ZSWIM5: variants seen among roughly 807,000 people sequenced by gnomAD.
ZSWIM5 encodes the protein zinc finger SWIM-type containing 5, also known as zinc finger SWIM domain-containing protein 5.
In ZSWIM5, 55 loss-of-function variants were observed where a neutral mutation model predicts 119.6. That is an observed-to-expected ratio of 0.46 (90% confidence interval 0.37 to 0.58). The LOEUF (loss-of-function observed/expected upper bound fraction) is 0.58, where lower values mean the gene tolerates loss of function less well. Among genes scored for constraint, ZSWIM5 ranks in the 20% least tolerant of loss-of-function variants. ZSWIM5 has a pLI of 0.00. For synonymous variants in ZSWIM5, 537 were observed against 606.9 expected (o/e 0.88, Z 1.69); for missense variants, 1,193 against 1,512.8 (o/e 0.79, Z 3.51).
chr1:45,020,139 C>T lies in ZSWIM5; in HGVS notation c.2622G>A (p.Arg874=), dbSNP rs1428688629. 1 of 1,614,168 alleles carries T rather than the reference C, an allele frequency of 6.2e-7. No homozygotes were observed. The highest frequency in any genetic ancestry group is 1.3e-5 in the African/African-American group (1 of 75,044). The change falls in exon 13 of 14, where the codon CGG becomes CGA. Residue 874 remains arginine (R), a synonymous_variant. Coordinates refer to ENST00000359600, the MANE Select transcript of ZSWIM5 (RefSeq NM_020883.2). The part of the protein sequence containing the change: ...VALELGLQVM[R]MTLSTLNWRR... ...TCCAGTTAAGGGTTGATAAGGTCAT[C>T]CGCATCACCTGGGCACAAAAGAGGC...
intron 1 of ZSWIM5, among the ~76,000 whole-genome samples, chr1:45,165,812 G>A (rs1570171003): frequency 6.6e-6 from 1 of 152,228 alleles, no homozygotes; most frequent in East Asian, 1.9e-4. Context: ...CTCTGAAATT[G>A]AGGCAATAAT....
intron 1 of ZSWIM5, 144 bp downstream of exon 1, chr1:45,205,612 A>G (rs1300270543): frequency 2.3e-6 from 2 of 851,372 alleles, no homozygotes; most frequent in Non-Finnish European, 3.2e-6. Context: ...AAGGTTGAAA[A>G]AAGTTTTTGT....
chr1:45,146,687 G>A (rs991473130), intron 1 of ZSWIM5, among the ~76,000 whole-genome samples: 15 of 145,708 alleles, frequency 1.0e-4, no homozygotes, highest in African/African-American at 3.0e-4. Flanking sequence ...TGATCCACCC[G>A]CCTCAGCCTT....
Position 45,139,399 on chromosome 1 carries a change from CCTCT to C in ZSWIM5, c.596-51166_596-51163del, listed in dbSNP as rs145808607. ...TTCTCTCTCTCTCTCCTCCTCCCTC[CCTCT>C]CTCTCTCTCTCTGCCCCTCTCCCTC... On this transcript the variant is annotated intron_variant, in intron 1 of 13. Transcript: ENST00000359600. 1.9e-3 allele frequency among the ~76,000 whole-genome samples: 277 copies of C among 143,676 alleles called. 1 individual carries two copies. Among genetic ancestry groups the C allele is most frequent in the African/African-American group, 6.4e-3 (251 of 39,238 alleles). The allele number at this position is 143,676 out of a possible 152,430, so 94.3% of individuals were successfully genotyped here. A position where few individuals can be genotyped will look rare whatever the true frequency, so the allele number is the denominator to read the frequency against.
At chr1:45,144,357 G>A (rs571661863) in intron 1 of ZSWIM5, among the ~76,000 whole-genome samples, 1 of 150,570 alleles carries the variant, frequency 6.6e-6, no homozygotes, top group South Asian at 2.1e-4. Flanking sequence ...ACGAGATCTT[G>A]TCTCTAGAAA....
At chr1:45,129,724 A>G (rs1371340278) in intron 1 of ZSWIM5, among the ~76,000 whole-genome samples, 1 of 152,182 alleles carries the variant, frequency 6.6e-6, no homozygotes, top group Non-Finnish European at 1.5e-5. Context: ...CACGGCAAAA[A>G]ATAATACAAG....
At chr1:45,135,880 A>G (rs1386445000) in intron 1 of ZSWIM5, among the ~76,000 whole-genome samples, 1 of 148,622 alleles carries the variant, frequency 6.7e-6, no homozygotes, top group Non-Finnish European at 1.5e-5. Flanking sequence ...TTTTTTTTTG[A>G]GATGGTGTCT....
intron 11 of ZSWIM5, among the ~76,000 whole-genome samples, chr1:45,027,487 T>G (rs1557740015): frequency 6.6e-6 from 1 of 152,146 alleles, no homozygotes. Flanking sequence ...AACCTCTGCC[T>G]CCTGGTTCAA....
chr1:45,112,150 A>G (rs1645522492), intron 1 of ZSWIM5, among the ~76,000 whole-genome samples: 1 of 152,184 alleles, frequency 6.6e-6, no homozygotes, highest in Admixed American at 6.5e-5. Context: ...CCCCAAATCT[A>G]TCTTCATGGC....
At chr1:45,121,271 C>G (rs1645590209) in intron 1 of ZSWIM5, among the ~76,000 whole-genome samples, 1 of 152,138 alleles carries the variant, frequency 6.6e-6, no homozygotes, top group Non-Finnish European at 1.5e-5. Context: ...CTTAATTCAA[C>G]TCTTTGGATT....
At position 45,019,702 on chromosome 1, in the gene ZSWIM5, A is replaced by C. The variant is rs1367390524; in HGVS notation, c.2695+364T>G. ...GCTTTGGGCTTTAGAAAGGGTCCTG[A>C]GCCTCTAAGTTGTCTGGAGTTTTTT... On this transcript the variant is annotated intron_variant, in intron 13 of 13. Transcript: ENST00000359600. This position sits in a 1 kb window ranked among gnomAD's most constrained non-coding sequence, Gnocchi z 5.0. Among the ~76,000 whole-genome samples, 2 of 152,266 alleles carry C rather than the reference A, an allele frequency of 1.3e-5. No individual in the cohort carries two copies. The highest frequency in any genetic ancestry group is 3.9e-4 in the East Asian group (2 of 5,182).
At chr1:45,092,771 C>T (rs1472504073) in intron 1 of ZSWIM5, among the ~76,000 whole-genome samples, 1 of 152,180 alleles carries the variant, frequency 6.6e-6, no homozygotes, top group East Asian at 1.9e-4. Flanking sequence ...GGGCCTCATA[C>T]AATTGACTGA....
At chr1:45,029,404 A>G (rs1277017466) in intron 11 of ZSWIM5, among the ~76,000 whole-genome samples, 1 of 152,214 alleles carries the variant, frequency 6.6e-6, no homozygotes, top group African/African-American at 2.4e-5. Flanking sequence ...TTTTGGCTGT[A>G]ATGTCACAGA....
intron 1 of ZSWIM5, among the ~76,000 whole-genome samples, chr1:45,095,036 T>C (rs919674943): frequency 1.3e-5 from 2 of 152,188 alleles, no homozygotes; most frequent in African/African-American, 4.8e-5. Flanking sequence ...TATCATTTCA[T>C]TGGTAAACAC....
At chr1:45,039,114 C>A (rs754752238) in intron 7 of ZSWIM5, 41 bp from the exon 8 acceptor site, 1 of 1,608,606 alleles carries the variant, frequency 6.2e-7, no homozygotes, top group South Asian at 1.1e-5. Flanking sequence ...GTGATAGAGA[C>A]AAACTGCTGT....
intron 1 of ZSWIM5, among the ~76,000 whole-genome samples, chr1:45,181,090 C>T (rs1269191111): frequency 1.3e-5 from 2 of 152,144 alleles, no homozygotes; most frequent in Non-Finnish European, 2.9e-5. Flanking sequence ...CGGAGAATGA[C>T]TTTGACGAGT....
At chr1:45,094,912 A>G (rs1243368471) in intron 1 of ZSWIM5, among the ~76,000 whole-genome samples, 1 of 151,908 alleles carries the variant, frequency 6.6e-6, no homozygotes, top group Non-Finnish European at 1.5e-5. Flanking sequence ...GTCCCCATGT[A>G]TGCATCACTT....
At chr1:45,069,799 A>G (rs1645210712) in intron 2 of ZSWIM5, among the ~76,000 whole-genome samples, 1 of 152,246 alleles carries the variant, frequency 6.6e-6, no homozygotes, top group Non-Finnish European at 1.5e-5. Context: ...TTGTCTCTTT[A>G]ATACCAAGAA....
At position 45,019,973 on chromosome 1, in the gene ZSWIM5, G is replaced by T; in HGVS notation, c.2695+93C>A. 9.2e-7 allele frequency: 1 copy of T among 1,081,416 alleles called. No individual in the cohort carries two copies. Among genetic ancestry groups the T allele is most frequent in the Non-Finnish European group, 1.4e-6 (1 of 717,156 alleles). The allele number at this position is 1,081,416 out of a possible 1,614,324, so 67.0% of individuals were successfully genotyped here. On this transcript the variant is annotated intron_variant, in intron 13 of 13. Transcript: ENST00000359600. The surrounding 1 kb of genome is among the most constrained non-coding windows in gnomAD (Gnocchi z 5.0). The stretch of plus-strand genomic sequence containing the variant: ...TCCTGATGGACCTAAGATCTCATAG[G>T]AATATGAGAGCTCTAAGGATTGATT...
Sources: gnomAD v4.1 joint callset for allele counts (sites outside exome capture counted in the v4.1 genomes callset) on GRCh38, gnomAD v4.1.1 for gene constraint, Gnocchi (gnomAD v3.1) non-coding constraint, MANE v1.5 for transcripts, NCBI Gene and HGNC (gene_info 2026-07-23, HGNC 2026-07-21) for gene names.